CBR4: variants seen among roughly 807,000 people sequenced by gnomAD.
CBR4 encodes the protein carbonyl reductase 4, also known as 3-oxoacyl-[acyl-carrier-protein] reductase.
A neutral mutation model predicts 21.0 loss-of-function variants in CBR4; 22 were observed. That is an observed-to-expected ratio of 1.05 (90% CI 0.75 to 1.50). CBR4 has a LOEUF of 1.50. CBR4 is among the 40% of genes most tolerant of loss of function. The pLI, the probability that CBR4 is intolerant of heterozygous loss-of-function variation, is 0.00. For synonymous variants in CBR4, 100 were observed against 104.4 expected (o/e 0.96, Z 0.26); for missense variants, 302 against 286.3 (o/e 1.05, Z -0.40).
intron 2 of CBR4, among the ~76,000 whole-genome samples, chr4:168,899,195 T>C (rs1755908516): frequency 1.3e-5 from 2 of 152,140 alleles, no homozygotes; most frequent in African/African-American, 4.8e-5. Flanking sequence ...GGGTGAAGAA[T>C]ATTGTTTAGA....
chr4:168,931,203 T>C (rs1762960536), intron 2 of CBR4, among the ~76,000 whole-genome samples: 2 of 152,214 alleles, frequency 1.3e-5, no homozygotes, highest in Non-Finnish European at 2.9e-5. Flanking sequence ...ACTGGGCCCC[T>C]GAGCTGCTAA....
intron 2 of CBR4, among the ~76,000 whole-genome samples, chr4:168,958,133 G>A (rs921202452): frequency 1.3e-5 from 2 of 152,100 alleles, no homozygotes; most frequent in Non-Finnish European, 2.9e-5. Context: ...GCGTGGTGGT[G>A]AGCACCTGTA....
intron 2 of CBR4, among the ~76,000 whole-genome samples, chr4:168,956,773 A>C (rs573208282): frequency 1.3e-5 from 2 of 152,266 alleles, no homozygotes; most frequent in South Asian, 2.1e-4. Flanking sequence ...GAAAGGATAT[A>C]ATTTGCCAAA....
In CBR4 at chr4:168,990,090, A is replaced by C; in HGVS notation, c.*60T>G. On this transcript the variant is annotated 3_prime_UTR_variant, in exon 5 of 5. Transcript: ENST00000306193. ...GTTACCCATGTAGGTATAATTGTCT[A>C]ATCAGTAGCCAAAGTGTGCCCTTGA... 2 of 1,437,646 alleles carry C rather than the reference A, an allele frequency of 1.4e-6. No individual in the cohort carries two copies. Among genetic ancestry groups the C allele is most frequent in the Non-Finnish European group, 1.8e-6 (2 of 1,088,186 alleles). The allele number at this position is 1,437,646 out of a possible 1,614,324, so 89.1% of individuals were successfully genotyped here. A position where few individuals can be genotyped will look rare whatever the true frequency, so the allele number is the denominator to read the frequency against.
At chr4:169,004,166 C>T (rs1163728570) in intron 3 of CBR4, among the ~76,000 whole-genome samples, 1 of 152,118 alleles carries the variant, frequency 6.6e-6, no homozygotes, top group Non-Finnish European at 1.5e-5. Context: ...CAGCCATAAA[C>T]ATCAAGGCAA....
At chr4:168,916,429 G>A (rs1189884884) in intron 2 of CBR4, among the ~76,000 whole-genome samples, 1 of 151,920 alleles carries the variant, frequency 6.6e-6, no homozygotes, top group Non-Finnish European at 1.5e-5. Flanking sequence ...AATGATTCTA[G>A]CTTAAGGGGG....
intron 2 of CBR4, among the ~76,000 whole-genome samples, chr4:168,909,772 T>C (rs555125266): frequency 1.4e-4 from 21 of 152,296 alleles, no homozygotes; most frequent in African/African-American, 4.6e-4. Context: ...TATATGACCT[T>C]TGTCAAAAAT....
At chr4:169,006,126 C>A (rs1579029518) in intron 3 of CBR4, among the ~76,000 whole-genome samples, 1 of 152,138 alleles carries the variant, frequency 6.6e-6, no homozygotes, top group East Asian at 1.9e-4. Context: ...TTCCTTTAAA[C>A]CTCTACACAA....
chr4:168,902,819 T>C lies in CBR4; in HGVS notation n.170-8054A>G, dbSNP rs575722374. On this transcript the variant is annotated intron_variant and non_coding_transcript_variant, in intron 2 of 3. Transcript: ENST00000509108. ...GAGACAGGGCCTCAGTCACCTAGGC[T>C]GGAGTGCAATGGCATGATCATGGCT... 5.9e-5 allele frequency among the ~76,000 whole-genome samples: 9 copies of C among 152,206 alleles called. No homozygotes were observed. In the East Asian group the frequency reaches 1.2e-3, roughly 19 times the overall value.
chr4:168,992,885 T>C (rs1052651160), intron 4 of CBR4, among the ~76,000 whole-genome samples: 1 of 152,218 alleles, frequency 6.6e-6, no homozygotes, highest in African/African-American at 2.4e-5. Flanking sequence ...TTGTATTATG[T>C]ATGTTTCACT....
chr4:168,899,913 G>A (rs1284785855), intron 2 of CBR4, among the ~76,000 whole-genome samples: 6 of 148,336 alleles, frequency 4.0e-5, no homozygotes, highest in South Asian at 2.1e-4. Flanking sequence ...GTGAGACTCC[G>A]TCTCAAAAAA....
chr4:168,987,544 C>G (rs1764730797), downstream of CBR4: 1 of 646,202 alleles, frequency 1.5e-6, no homozygotes, highest in African/African-American at 2.0e-5. Flanking sequence ...AATTTTTAAA[C>G]TCTACTCTTA....
At chr4:168,954,118 C>T (rs959791720) in intron 2 of CBR4, among the ~76,000 whole-genome samples, 2 of 152,090 alleles carry the variant, frequency 1.3e-5, no homozygotes, top group South Asian at 2.1e-4. Context: ...TCAAAGACTA[C>T]CACAATAAAA....
intron 2 of CBR4, among the ~76,000 whole-genome samples, chr4:168,942,886 T>A (rs57209618): frequency 0.05 from 7,671 of 152,038 alleles, 616 homozygotes; most frequent in African/African-American, 0.17. Flanking sequence ...ACATCACTAA[T>A]CAAGGAAATG....
Position 168,989,028 on chromosome 4 carries a change from G to A in CBR4, c.*1122C>T. ...ACCTGGTATTTCACATTCGGTTTGTGTCTTTATCTCTACTCCCAGGCAAAT... is the reference window on the plus strand; with the variant it reads ...ACCTGGTATTTCACATTCGGTTTGTATCTTTATCTCTACTCCCAGGCAAAT... On this transcript the variant is annotated 3_prime_UTR_variant, in exon 5 of 5. Transcript: ENST00000306193. 1 of 984,600 alleles carries A rather than the reference G, an allele frequency of 1.0e-6. No individual in the cohort carries two copies. Among genetic ancestry groups the A allele is most frequent in the South Asian group, 4.7e-5 (1 of 21,270 alleles). 61.0% of individuals were successfully genotyped at this position (984,600 alleles called of 1,614,324 possible). A position where few individuals can be genotyped will look rare whatever the true frequency, so the allele number is the denominator to read the frequency against.
chr4:168,959,768 T>C (rs1289105033), intron 2 of CBR4, among the ~76,000 whole-genome samples: 2 of 151,790 alleles, frequency 1.3e-5, no homozygotes, highest in African/African-American at 4.8e-5. Context: ...TTTCACCTTG[T>C]TGGTCAGGCT....
chr4:168,907,683 G>A (rs542105002), intron 2 of CBR4, among the ~76,000 whole-genome samples: 1 of 152,256 alleles, frequency 6.6e-6, no homozygotes, highest in Admixed American at 6.5e-5. Context: ...CCCAGGCTGA[G>A]CCCCATGGTT....
intron 2 of CBR4, among the ~76,000 whole-genome samples, chr4:168,981,467 T>G (rs1386679616): frequency 1.3e-5 from 2 of 152,072 alleles, no homozygotes; most frequent in African/African-American, 2.4e-5. Context: ...AACCTGCCTA[T>G]AAGAATTTCA....
chr4:168,967,993 CTCT>C (rs1428044560), intron 2 of CBR4, among the ~76,000 whole-genome samples: 1 of 152,172 alleles, frequency 6.6e-6, no homozygotes, highest in African/African-American at 2.4e-5. Context: ...TCTTTATACT[CTCT>C]TCTAACCACC....
Sources: allele counts gnomAD v4.1 joint callset (sites outside exome capture counted in the v4.1 genomes callset), GRCh38; gene constraint gnomAD v4.1.1; transcripts MANE v1.5; gene names NCBI Gene and HGNC (gene_info 2026-07-23, HGNC 2026-07-21).